Variants in ADGRD1 observed in about 807,000 individuals in gnomAD.
ADGRD1 encodes the protein adhesion G protein-coupled receptor D1.
ADGRD1 carries 77 observed loss-of-function variants against 113.4 expected under a neutral mutation model. That is an observed-to-expected ratio of 0.68 (90% CI 0.57 to 0.82). The LOEUF (loss-of-function observed/expected upper bound fraction) is 0.82. Ranked by LOEUF, ADGRD1 falls within the 40% of genes least tolerant of loss-of-function variation. The pLI, the probability that ADGRD1 is intolerant of heterozygous loss-of-function variation, is 0.00. For synonymous variants in ADGRD1, 474 were observed against 475.0 expected, an observed-to-expected ratio of 1.00 and a Z score of 0.03; for missense variants, 1,036 against 1,139.1, an observed-to-expected ratio of 0.91 and a Z score of 1.30.
At chr12:131,061,247 G>A (rs982503377) in intron 13 of ADGRD1, among the ~76,000 whole-genome samples, 3 of 152,198 alleles carry the variant, frequency 2.0e-5, no homozygotes, top group African/African-American at 7.2e-5. Context: ...TTGAAGGCAG[G>A]GGAGGAGGGA....
At chr12:131,081,512 G>A (rs1245779165) in intron 14 of ADGRD1, among the ~76,000 whole-genome samples, 3 of 152,114 alleles carry the variant, frequency 2.0e-5, no homozygotes, top group Non-Finnish European at 4.4e-5. Flanking sequence ...ATTCATGCCT[G>A]CCTTCAAGTA....
intron 18 of ADGRD1, among the ~76,000 whole-genome samples, chr12:131,116,287 A>G (rs1166101606): frequency 6.6e-6 from 1 of 152,226 alleles, no homozygotes; most frequent in Non-Finnish European, 1.5e-5. Flanking sequence ...AAAGGCCCAC[A>G]GTCACTGCTG....
chr12:131,039,123 C>T (rs1881847139), intron 13 of ADGRD1, among the ~76,000 whole-genome samples: 1 of 152,238 alleles, frequency 6.6e-6, no homozygotes, highest in South Asian at 2.1e-4. Context: ...CGCATGGAGC[C>T]TGTGCTCCTC....
chr12:130,969,291 C>T (rs1389354709), intron 3 of ADGRD1: 2 of 508,730 alleles, frequency 3.9e-6, no homozygotes, highest in African/African-American at 4.0e-5. Context: ...TCCCCAGTCC[C>T]TGGGCCACAG....
chr12:131,118,571 C>A, intron 19 of ADGRD1, 120 bp downstream of exon 19: 1 of 669,912 alleles, frequency 1.5e-6, no homozygotes, highest in Non-Finnish European at 2.6e-6. Flanking sequence ...GCAAAGCTGG[C>A]TCCCACAGGC....
chr12:131,011,444 C>T (rs144220552), intron 12 of ADGRD1, among the ~76,000 whole-genome samples: 19 of 151,996 alleles, frequency 1.3e-4, no homozygotes, highest in Admixed American at 1.1e-3. Flanking sequence ...TCTAAGTCAT[C>T]GCCGCTTGCC....
intron 13 of ADGRD1, among the ~76,000 whole-genome samples, chr12:131,028,309 T>C (rs1226599781): frequency 1.3e-5 from 2 of 152,254 alleles, no homozygotes; most frequent in Non-Finnish European, 2.9e-5. Context: ...CTTTTCTTTC[T>C]TACTGATTTT....
At chr12:131,122,636 A>G (rs991110110) in intron 20 of ADGRD1, among the ~76,000 whole-genome samples, 1 of 152,244 alleles carries the variant, frequency 6.6e-6, no homozygotes, top group Non-Finnish European at 1.5e-5. Flanking sequence ...GTTTAGTGAC[A>G]GAGGGTGGGA....
At chr12:131,062,691 C>T (rs184738861) in intron 13 of ADGRD1, among the ~76,000 whole-genome samples, 1 of 152,228 alleles carries the variant, frequency 6.6e-6, no homozygotes, top group East Asian at 1.9e-4. Flanking sequence ...TTAGGTCACC[C>T]TAGCCATGTG....
chr12:131,068,484 C>T (rs1480576463), intron 13 of ADGRD1, among the ~76,000 whole-genome samples: 1 of 152,130 alleles, frequency 6.6e-6, no homozygotes, highest in African/African-American at 2.4e-5. Flanking sequence ...ACCATGATGA[C>T]TTTTCCAACG....
At position 131,031,565 on chromosome 12, in the gene ADGRD1, C is replaced by T. The variant is rs4759829; in HGVS notation, c.1473+17225C>T. Among the ~76,000 whole-genome samples the T allele has an allele frequency of 3.7e-3, 559 of 152,196 alleles. 1 individual carries two copies. Among genetic ancestry groups the T allele is most frequent in the Non-Finnish European group, 4.3e-3 (292 of 68,008 alleles). On this transcript the variant is annotated intron_variant, in intron 13 of 24. Transcript: ENST00000261654. ...CCCAAGGTTCCAGGATTAGCAAACACGGCCCCCCCACCCTTCCTTCAGGCC... is the reference window on the plus strand; with the variant it reads ...CCCAAGGTTCCAGGATTAGCAAACATGGCCCCCCCACCCTTCCTTCAGGCC...
At chr12:131,037,947 T>TCACTCACTGCACCGGGCCC (rs1881705354) in intron 13 of ADGRD1, among the ~76,000 whole-genome samples, 1 of 148,992 alleles carries the variant, frequency 6.7e-6, no homozygotes, top group Non-Finnish European at 1.5e-5. Context: ...GCATGGGGCC[T>TCACTCACTGCACCGGGCCC]CACTCACTGC....
At position 131,137,338 on chromosome 12, in the gene ADGRD1, G is replaced by A. The variant is rs885390; in HGVS notation, c.2436+324G>A. ...GAAGCTGGCCTGGCTGTGAGAAGGA[G>A]GACTTCTGTCCACGGGAGCTGGGAA... On this transcript the variant is annotated intron_variant, in intron 23 of 24. Coordinates refer to ENST00000261654, the MANE Select transcript of ADGRD1 (RefSeq NM_198827.5). Among the ~76,000 whole-genome samples, 336 of 152,362 alleles carry A rather than the reference G, an allele frequency of 2.2e-3. 10 individuals carry two copies. The East Asian group carries it at 0.056, about 25-fold the overall frequency.
In ADGRD1 at chr12:130,987,099, C is replaced by G. The variant is rs1434300398; in HGVS notation, c.495C>G (p.Pro165=). The G allele has an allele frequency of 2.5e-6, 4 of 1,613,676 alleles. No individual in the cohort carries two copies. Among genetic ancestry groups the G allele is most frequent in the Non-Finnish European group, 3.4e-6 (4 of 1,179,680 alleles). The change falls in exon 6 of 25, where the codon CCC becomes CCG. Residue 165 remains proline (P), a synonymous_variant. Coordinates refer to ENST00000261654, the MANE Select transcript of ADGRD1 (RefSeq NM_198827.5). ...GCGATCTTCACTCTTTTCCAGGCCC[C>G]TATTGGACTCATGTCCTATTTACAT... The part of the protein sequence containing the change: ...TWEASFSPPG[P]YWTHVLFTWK...
In ADGRD1 at chr12:130,971,724, G is replaced by A. The variant is rs1871688299; in HGVS notation, c.310+144G>A. The A allele has an allele frequency of 1.2e-6, 1 of 826,996 alleles. No individual in the cohort carries two copies. Among genetic ancestry groups the A allele is most frequent in the African/African-American group, 1.7e-5 (1 of 57,170 alleles). 51.2% of individuals were successfully genotyped at this position (826,996 alleles called of 1,614,324 possible). A position where few individuals can be genotyped will look rare whatever the true frequency, so the allele number is the denominator to read the frequency against. On this transcript the variant is annotated intron_variant, in intron 4 of 24. Coordinates refer to ENST00000261654, the MANE Select transcript of ADGRD1 (RefSeq NM_198827.5). This position sits in a 1 kb window ranked among gnomAD's most constrained non-coding sequence, Gnocchi z 4.2. ...ATGTCAACGATGGATCGGAGGGCAG[G>A]GGAGGGAGGAATACAGGCAAGGAGG...
At chr12:131,119,873 G>A (rs976563383) in intron 19 of ADGRD1, among the ~76,000 whole-genome samples, 1 of 152,194 alleles carries the variant, frequency 6.6e-6, no homozygotes, top group African/African-American at 2.4e-5. Context: ...TTGTTTTGGG[G>A]CATTTGCCAT....
chr12:131,131,433 T>C (rs1950924844), intron 20 of ADGRD1, among the ~76,000 whole-genome samples: 2 of 152,208 alleles, frequency 1.3e-5, no homozygotes, highest in African/African-American at 2.4e-5. Flanking sequence ...AAGCAAATGC[T>C]AAGATGAGGT....
At chr12:131,105,701 G>T (rs947014402) in intron 16 of ADGRD1, 53 bp from the exon 17 acceptor site, 2 of 1,406,644 alleles carry the variant, frequency 1.4e-6, no homozygotes, top group African/African-American at 1.4e-5. Flanking sequence ...AGCCCAGCCT[G>T]GGGGACTGGG....
In ADGRD1 at chr12:131,009,372, G is replaced by A. The variant is rs115910137; in HGVS notation, c.1331+3325G>A. 1.2e-3 allele frequency among the ~76,000 whole-genome samples: 188 copies of A among 152,362 alleles called. 1 individual carries two copies. Among genetic ancestry groups the A allele is most frequent in the African/African-American group, 4.4e-3 (184 of 41,588 alleles). ...GGATTGGGGGAGACTAAAGAGGTTCGTGCCTGAGCTAATGCACATTCCTGG... is the reference window on the plus strand; with the variant it reads ...GGATTGGGGGAGACTAAAGAGGTTCATGCCTGAGCTAATGCACATTCCTGG... On this transcript the variant is annotated intron_variant, in intron 12 of 24. Transcript: ENST00000261654.
Sources: gnomAD v4.1 joint callset for allele counts (sites outside exome capture counted in the v4.1 genomes callset) on GRCh38, gnomAD v4.1.1 for gene constraint, Gnocchi (gnomAD v3.1) non-coding constraint, MANE v1.5 for transcripts, NCBI Gene and HGNC (gene_info 2026-07-23, HGNC 2026-07-21) for gene names.